Variants in LINGO2 observed in about 807,000 individuals in gnomAD.
LINGO2 encodes leucine rich repeat and Ig domain containing 2.
Under a neutral mutation model 30.6 loss-of-function variants are expected in LINGO2, and 14 were observed. The observed-to-expected ratio is 0.46, with a 90% CI of 0.30 to 0.72. The LOEUF (loss-of-function observed/expected upper bound fraction) is 0.72. LINGO2 is among the 30% of genes least tolerant of loss of function. The probability of loss-of-function intolerance (pLI) is 0.07; values close to 1 mark genes in which losing one functional copy is unlikely to be tolerated. For missense variants in LINGO2, 729 were observed against 751.7 expected, an observed-to-expected ratio of 0.97 and a Z score of 0.35; for synonymous variants, 317 against 288.5, an observed-to-expected ratio of 1.10 and a Z score of -1.00.
the LINGO2 span, among the ~76,000 whole-genome samples, chr9:28,690,779 A>T: frequency 6.6e-6 from 1 of 152,158 alleles, no homozygotes. Flanking sequence ...AATCTTTCAG[A>T]TCCCTCACAA....
At chr9:28,146,646 C>T (rs575358365) in intron 4 of LINGO2, among the ~76,000 whole-genome samples, 12 of 151,832 alleles carry the variant, frequency 7.9e-5, no homozygotes, top group African/African-American at 2.9e-4. Flanking sequence ...GTAGAGTGCC[C>T]AAATGGTTTT....
At chr9:29,171,818 T>C in the LINGO2 span, among the ~76,000 whole-genome samples, 3 of 151,888 alleles carry the variant, frequency 2.0e-5, no homozygotes, top group African/African-American at 7.2e-5. Context: ...ACTACAAAGA[T>C]ACATATGACT....
intron 1 of LINGO2, among the ~76,000 whole-genome samples, chr9:28,669,104 T>A (rs760217747): frequency 6.6e-6 from 1 of 152,106 alleles, no homozygotes; most frequent in African/African-American, 2.4e-5. Context: ...AATCTATATT[T>A]CTGCATATGA....
At chr9:28,961,382 C>A in the LINGO2 span, among the ~76,000 whole-genome samples, 1 of 152,026 alleles carries the variant, frequency 6.6e-6, no homozygotes, top group Non-Finnish European at 1.5e-5. Context: ...GATTTCATAG[C>A]CAGGGAATAA....
the LINGO2 span, among the ~76,000 whole-genome samples, chr9:29,058,163 G>C: frequency 6.6e-6 from 1 of 151,996 alleles, no homozygotes; most frequent in African/African-American, 2.4e-5. Flanking sequence ...TAGCAGACAA[G>C]ATTTTTAATT....
intron 1 of LINGO2, among the ~76,000 whole-genome samples, chr9:28,516,711 G>C (rs1820633066): frequency 1.3e-5 from 2 of 152,204 alleles, no homozygotes; most frequent in Non-Finnish European, 2.9e-5. Flanking sequence ...CAGTGTTACT[G>C]ACACTGTTGC....
At chr9:28,902,011 G>A in the LINGO2 span, among the ~76,000 whole-genome samples, 1 of 152,042 alleles carries the variant, frequency 6.6e-6, no homozygotes, top group Admixed American at 6.6e-5. Flanking sequence ...GCAATATAGT[G>A]AGATACTGGC....
chr9:28,617,304 T>G (rs1826173357), intron 1 of LINGO2, among the ~76,000 whole-genome samples: 1 of 151,354 alleles, frequency 6.6e-6, no homozygotes, highest in South Asian at 2.1e-4. Context: ...TTTCTTTTCT[T>G]TTTTTTTTCG....
intron 2 of LINGO2, among the ~76,000 whole-genome samples, chr9:28,390,836 G>A (rs556850569): frequency 8.5e-4 from 129 of 152,258 alleles, no homozygotes; most frequent in South Asian, 1.7e-3. Flanking sequence ...ATTCAGGAAT[G>A]CAGCCACAGT....
At chr9:28,708,602 T>C in the LINGO2 span, among the ~76,000 whole-genome samples, 1 of 152,202 alleles carries the variant, frequency 6.6e-6, no homozygotes, top group South Asian at 2.1e-4. Context: ...GGATGAACAG[T>C]TCAGTGTGAA....
At chr9:27,985,016 C>A (rs6476033) in intron 5 of LINGO2, among the ~76,000 whole-genome samples, 56,389 of 151,308 alleles carry the variant, frequency 0.37, 10,444 homozygotes, top group African/African-American at 0.4. Flanking sequence ...TCTGTTTTGA[C>A]AAAAATAATT....
At chr9:28,106,811 C>T (rs1826607887) in intron 4 of LINGO2, among the ~76,000 whole-genome samples, 1 of 152,114 alleles carries the variant, frequency 6.6e-6, no homozygotes, top group Admixed American at 6.6e-5. Context: ...TATCACAGAG[C>T]TTTTGGGAGA....
the LINGO2 span, among the ~76,000 whole-genome samples, chr9:29,145,712 AATATAAAGAGT>A: frequency 6.6e-6 from 1 of 152,194 alleles, no homozygotes; most frequent in Non-Finnish European, 1.5e-5. Context: ...TGTTTGATTT[AATATAAAGAGT>A]AAGCATATGA....
At chr9:28,928,692 G>A in the LINGO2 span, among the ~76,000 whole-genome samples, 3 of 152,054 alleles carry the variant, frequency 2.0e-5, no homozygotes, top group Non-Finnish European at 4.4e-5. Flanking sequence ...GGTAGCAGGA[G>A]AATAATTTAA....
chr9:28,824,680 C>T, the LINGO2 span, among the ~76,000 whole-genome samples: 1 of 152,130 alleles, frequency 6.6e-6, no homozygotes, highest in African/African-American at 2.4e-5. Flanking sequence ...ACTTGACATG[C>T]ATACCATGCC....
At chr9:28,271,592 C>T (rs1249469202) in intron 4 of LINGO2, among the ~76,000 whole-genome samples, 1 of 152,138 alleles carries the variant, frequency 6.6e-6, no homozygotes, top group Non-Finnish European at 1.5e-5. Context: ...CTACCATTTT[C>T]AAATCTGAAT....
chr9:28,258,246 T>C (rs986049510), intron 4 of LINGO2, among the ~76,000 whole-genome samples: 2 of 151,874 alleles, frequency 1.3e-5, no homozygotes, highest in Admixed American at 1.3e-4. Context: ...GGAGTAAAAA[T>C]GCTTCCTGAA....
the LINGO2 span, among the ~76,000 whole-genome samples, chr9:28,851,731 G>A: frequency 6.6e-6 from 1 of 151,946 alleles, no homozygotes; most frequent in African/African-American, 2.4e-5. Flanking sequence ...TTTGAGATAG[G>A]TTATTATAAC....
the LINGO2 span, among the ~76,000 whole-genome samples, chr9:29,135,714 C>T: frequency 6.6e-6 from 1 of 152,074 alleles, no homozygotes; most frequent in Non-Finnish European, 1.5e-5. Context: ...TAGAGTTATG[C>T]AACCAACCTT....
Sources: allele counts gnomAD v4.1 joint callset (sites outside exome capture counted in the v4.1 genomes callset), GRCh38; gene constraint gnomAD v4.1.1; transcripts MANE v1.5; gene names NCBI Gene and HGNC (gene_info 2026-07-23, HGNC 2026-07-21).